CLVS2: variants seen among roughly 807,000 people sequenced by gnomAD.
CLVS2 encodes clavesin 2.
A neutral mutation model predicts 29.0 loss-of-function variants in CLVS2; 19 were observed. That is an observed-to-expected ratio of 0.66 (90% confidence interval 0.46 to 0.96). The LOEUF is 0.96. CLVS2 is among the 40% of genes least tolerant of loss of function. CLVS2 has a pLI of 0.00. For synonymous variants in CLVS2, 161 were observed against 151.3 expected, an observed-to-expected ratio of 1.06 and a Z score of -0.47; for missense variants, 294 against 404.1, an observed-to-expected ratio of 0.73 and a Z score of 2.34.
intron 3 of CLVS2, among the ~76,000 whole-genome samples, chr6:123,046,907 G>T (rs1281651788): frequency 6.6e-6 from 1 of 152,032 alleles, no homozygotes; most frequent in Non-Finnish European, 1.5e-5. Context: ...AAAATCTACA[G>T]GAGAAAAACA....
chr6:123,001,881 A>T (rs1054590550), intron 2 of CLVS2, among the ~76,000 whole-genome samples: 1 of 152,194 alleles, frequency 6.6e-6, no homozygotes, highest in African/African-American at 2.4e-5. Context: ...TAATTGTTGG[A>T]GATATTCATG....
At chr6:123,048,830 C>A in intron 4 of CLVS2, 98 bp downstream of exon 4, 1 of 766,614 alleles carries the variant, frequency 1.3e-6, no homozygotes, top group Non-Finnish European at 2.2e-6. Context: ...AAATGTACTT[C>A]TACATTGTAT....
chr6:123,055,716 A>C, intron 4 of CLVS2, 90 bp from the exon 5 acceptor site: 1 of 891,546 alleles, frequency 1.1e-6, no homozygotes, highest in Admixed American at 1.8e-5. Context: ...CATATTTGCT[A>C]TTGCTATCCT....
rs75949929 is a variant in CLVS2 at position 123,069,178 on chromosome 6, T to C, written c.*5417T>C. ...TGAAAGTTTGAAAGAAGTAAACTAATGTTTTAATTACATATAGCAAAGGAA... is the reference window on the plus strand; with the variant it reads ...TGAAAGTTTGAAAGAAGTAAACTAACGTTTTAATTACATATAGCAAAGGAA... On this transcript the variant is annotated 3_prime_UTR_variant, in exon 6 of 6. Coordinates refer to ENST00000275162, the MANE Select transcript of CLVS2 (RefSeq NM_001010852.4). 1 of 151,756 alleles carries C rather than the reference T, an allele frequency of 6.6e-6. No individual in the cohort carries two copies. Among genetic ancestry groups the C allele is most frequent in the Admixed American group, 6.6e-5 (1 of 15,164 alleles). 9.4% of individuals were successfully genotyped at this position (151,756 alleles called of 1,614,324 possible).
rs1001211677 is a variant in CLVS2 at position 123,067,903 on chromosome 6, G to A, written c.*4142G>A. The stretch of plus-strand genomic sequence containing the variant: ...AAAAAATAGCTTCCCATATGCTACT[G>A]GAACTATTTGACATTATTTGCTACA... On this transcript the variant is annotated 3_prime_UTR_variant, in exon 6 of 6. Transcript: ENST00000275162. 5 of 151,598 alleles carry A rather than the reference G, an allele frequency of 3.3e-5. No homozygotes were observed. The highest frequency in any genetic ancestry group is 1.2e-4 in the African/African-American group (5 of 41,362). 9.4% of individuals were successfully genotyped at this position (151,598 alleles called of 1,614,324 possible).
chr6:123,008,698 G>C (rs1468287007), intron 2 of CLVS2, among the ~76,000 whole-genome samples: 7 of 148,904 alleles, frequency 4.7e-5, no homozygotes. Context: ...TTTTTTTTTG[G>C]TGGGGGTCTG....
chr6:123,015,329 T>A (rs752215879), intron 3 of CLVS2, among the ~76,000 whole-genome samples: 1 of 152,010 alleles, frequency 6.6e-6, no homozygotes, highest in African/African-American at 2.4e-5. Context: ...TTTGGAAACA[T>A]CCTTTGGATA....
chr6:123,056,403 G>C lies in CLVS2; in HGVS notation c.896+377G>C, dbSNP rs550376208. On this transcript the variant is annotated intron_variant, in intron 5 of 5. Coordinates refer to ENST00000275162, the MANE Select transcript of CLVS2 (RefSeq NM_001010852.4). ...CCATCCTGCCTCATCCCAGTGCTTG[G>C]TAACCACCATTCTACTATCTATTTC... Among the ~76,000 whole-genome samples the C allele has an allele frequency of 2.1e-4, 32 of 152,120 alleles. 1 individual carries two copies. The highest frequency in any genetic ancestry group is 1.5e-5 in the Non-Finnish European group (1 of 68,016).
chr6:123,009,562 C>T (rs915712083), intron 2 of CLVS2, among the ~76,000 whole-genome samples: 11 of 151,962 alleles, frequency 7.2e-5, no homozygotes, highest in Non-Finnish European at 1.3e-4. Flanking sequence ...TATCATACTG[C>T]CTTCCTAACG....
chr6:123,004,089 A>G (rs1320853178), intron 2 of CLVS2, among the ~76,000 whole-genome samples: 3 of 152,212 alleles, frequency 2.0e-5, no homozygotes, highest in East Asian at 1.9e-4. Flanking sequence ...ATAACAAAAC[A>G]GGCAATTAGG....
intron 3 of CLVS2, among the ~76,000 whole-genome samples, chr6:123,014,521 A>AC (rs1212411709): frequency 6.6e-6 from 1 of 152,084 alleles, no homozygotes; most frequent in Non-Finnish European, 1.5e-5. Flanking sequence ...TTGGATGGCA[A>AC]CCCTGCCATG....
chr6:123,035,734 A>G (rs973686728), intron 3 of CLVS2, among the ~76,000 whole-genome samples: 2 of 152,100 alleles, frequency 1.3e-5, no homozygotes, highest in Non-Finnish European at 2.9e-5. Context: ...GGGTGGGTGG[A>G]AAGGCAAGGC....
At chr6:123,015,620 T>C (rs572951617) in intron 3 of CLVS2, among the ~76,000 whole-genome samples, 1 of 152,030 alleles carries the variant, frequency 6.6e-6, no homozygotes, top group Non-Finnish European at 1.5e-5. Context: ...CCACCAATAC[T>C]CAAATTCTCA....
chr6:123,046,497 T>C (rs1371029347), intron 3 of CLVS2, among the ~76,000 whole-genome samples: 1 of 151,864 alleles, frequency 6.6e-6, no homozygotes, highest in African/African-American at 2.4e-5. Flanking sequence ...CTGTCTCCAC[T>C]AAAAATACAA....
intron 3 of CLVS2, among the ~76,000 whole-genome samples, chr6:123,027,985 C>T (rs919316969): frequency 3.3e-5 from 5 of 152,100 alleles, no homozygotes; most frequent in African/African-American, 1.2e-4. Context: ...TTAGTAATAA[C>T]ATTTATTTTC....
intron 4 of CLVS2, 140 bp downstream of exon 4, chr6:123,048,872 T>C (rs1376770007): frequency 3.4e-6 from 2 of 585,948 alleles, no homozygotes; most frequent in African/African-American, 3.8e-5. Flanking sequence ...TTTAAGATTC[T>C]TCCAGATTTT....
intron 5 of CLVS2, among the ~76,000 whole-genome samples, chr6:123,057,758 A>T (rs2114365676): frequency 6.6e-6 from 1 of 152,194 alleles, no homozygotes; most frequent in African/African-American, 2.4e-5. Flanking sequence ...AAAGGCCAGA[A>T]ATTTTCCCTG....
At chr6:123,053,972 T>G (rs1438756089) in intron 4 of CLVS2, among the ~76,000 whole-genome samples, 1 of 152,150 alleles carries the variant, frequency 6.6e-6, no homozygotes, top group East Asian at 1.9e-4. Context: ...GTGGGTGGGT[T>G]GATGTCATCT....
At chr6:123,033,232 C>A (rs1399655063) in intron 3 of CLVS2, among the ~76,000 whole-genome samples, 1 of 151,882 alleles carries the variant, frequency 6.6e-6, no homozygotes, top group South Asian at 2.1e-4. Flanking sequence ...TTTTAGAGAA[C>A]AACATAAGAT....
Sources: allele counts gnomAD v4.1 joint callset (sites outside exome capture counted in the v4.1 genomes callset), GRCh38; gene constraint gnomAD v4.1.1; transcripts MANE v1.5; gene names NCBI Gene and HGNC (gene_info 2026-07-23, HGNC 2026-07-21).